Variants in AKR1C3 observed in about 807,000 individuals in gnomAD.
AKR1C3 encodes aldo-keto reductase family 1 member C3.
Under a neutral mutation model 43.6 loss-of-function variants are expected in AKR1C3, and 48 were observed. That is an observed-to-expected ratio of 1.10 (90% CI 0.87 to 1.40). The LOEUF (loss-of-function observed/expected upper bound fraction) is 1.40, where lower values mean the gene tolerates loss of function less well. Ranked by LOEUF, AKR1C3 falls within the 40% of genes most tolerant of loss-of-function variation. The pLI, the probability that AKR1C3 is intolerant of heterozygous loss-of-function variation, is 0.00. For synonymous variants in AKR1C3, 162 were observed against 139.6 expected, an observed-to-expected ratio of 1.16 and a Z score of -1.13; for missense variants, 482 against 391.2, an observed-to-expected ratio of 1.23 and a Z score of -1.96.
chr10:5,085,134 A>G (rs7898273), intron 1 of AKR1C3, among the ~76,000 whole-genome samples: 132,387 of 151,876 alleles, frequency 0.87, 57,955 homozygotes, highest in African/African-American at 0.96. Context: ...TGGTGAGAGA[A>G]GGCATCCCTG....
Position 5,087,380 on chromosome 10 carries a change from CT to C in AKR1C3, c.85-9014del, listed in dbSNP as rs71391988. Among the ~76,000 whole-genome samples, 24 of 74,798 alleles carry C rather than the reference CT, an allele frequency of 3.2e-4. No homozygotes were observed. The East Asian group carries it at 0.013, about 40-fold the overall frequency. 49.1% of individuals were successfully genotyped at this position (74,798 alleles called of 152,430 possible). The stretch of plus-strand genomic sequence containing the variant: ...TTAATGTCACCTTTATCATTTCTTT[CT>C]TTTTTTTTTTTTTTTGAGGCTCGCT... On this transcript the variant is annotated intron_variant, in intron 1 of 8. Coordinates refer to the AKR1C3 transcript ENST00000439082.
intron 1 of AKR1C3, among the ~76,000 whole-genome samples, chr10:5,066,819 A>T (rs1554780843): frequency 6.6e-6 from 1 of 152,206 alleles, no homozygotes; most frequent in East Asian, 1.9e-4. Flanking sequence ...CAACTCTATT[A>T]TAACTTTCAC....
chr10:5,102,830 A>C (rs1839392063), intron 7 of AKR1C3, among the ~76,000 whole-genome samples, 180 bp downstream of exon 7: 1 of 152,228 alleles, frequency 6.6e-6, no homozygotes, highest in Non-Finnish European at 1.5e-5. Context: ...GCACAGGTGC[A>C]GAGAATTAAG....
intron 1 of AKR1C3, among the ~76,000 whole-genome samples, chr10:5,055,981 A>G (rs564483398): frequency 5.3e-5 from 8 of 152,284 alleles, no homozygotes; most frequent in African/African-American, 1.9e-4. Context: ...CCCTCTGGCT[A>G]AGATTAGGCC....
chr10:5,100,130 T>G (rs1554785732), intron 5 of AKR1C3, among the ~76,000 whole-genome samples: 1 of 151,996 alleles, frequency 6.6e-6, no homozygotes, highest in African/African-American at 2.4e-5. Context: ...CCATCTCTAC[T>G]AAAAATACAA....
intron 7 of AKR1C3, among the ~76,000 whole-genome samples, chr10:5,104,386 T>C (rs12219397): frequency 0.42 from 38,345 of 91,166 alleles, 5,538 homozygotes; most frequent in East Asian, 0.67. Flanking sequence ...CATATCTTGA[T>C]TTTTTACTCT....
At chr10:5,086,555 G>T (rs1838969582) in intron 1 of AKR1C3, among the ~76,000 whole-genome samples, 1 of 151,852 alleles carries the variant, frequency 6.6e-6, no homozygotes, top group African/African-American at 2.4e-5. Flanking sequence ...ATGTTCTATT[G>T]ATTTGGGGTG....
upstream of AKR1C3, among the ~76,000 whole-genome samples, chr10:5,089,492 T>C (rs1839040085): frequency 6.6e-6 from 1 of 152,166 alleles, no homozygotes; most frequent in Non-Finnish European, 1.5e-5. Flanking sequence ...GAAAGACTAG[T>C]CTTCAAGATA....
chr10:5,079,149 T>C (rs371002166), intron 1 of AKR1C3, among the ~76,000 whole-genome samples: 2 of 152,142 alleles, frequency 1.3e-5, no homozygotes, highest in African/African-American at 4.8e-5. Context: ...ATGGAGCTAT[T>C]TGTTTTAAAA....
At chr10:5,082,970 C>T (rs1290516066) in intron 1 of AKR1C3, among the ~76,000 whole-genome samples, 2 of 152,116 alleles carry the variant, frequency 1.3e-5, no homozygotes, top group Non-Finnish European at 2.9e-5. Context: ...GATTTAATTA[C>T]AGAGTATTTT....
intron 8 of AKR1C3, 65 bp downstream of exon 8, chr10:5,105,742 GAGAGTGACCTCCATACC>G (rs1839485648): frequency 7.8e-7 from 1 of 1,279,708 alleles, no homozygotes; most frequent in African/African-American, 1.5e-5. Flanking sequence ...GATGGGTGTT[GAGAGTGACCTCCATACC>G]AGAGGGACAG....
At chr10:5,058,203 A>T (rs1424747852) in intron 1 of AKR1C3, among the ~76,000 whole-genome samples, 2 of 152,190 alleles carry the variant, frequency 1.3e-5, no homozygotes, top group Non-Finnish European at 2.9e-5. Context: ...GTAAGCTGAG[A>T]GGTCCTCCTG....
At chr10:5,082,837 A>G (rs1434468557) in intron 1 of AKR1C3, among the ~76,000 whole-genome samples, 4 of 152,082 alleles carry the variant, frequency 2.6e-5, no homozygotes, top group African/African-American at 9.7e-5. Flanking sequence ...ATGTCTCCAC[A>G]TTTTTTTAAA....
intron 1 of AKR1C3, among the ~76,000 whole-genome samples, chr10:5,085,642 A>T (rs1211245095): frequency 6.6e-6 from 1 of 151,852 alleles, no homozygotes; most frequent in African/African-American, 2.4e-5. Flanking sequence ...ATAGTTTCAG[A>T]AGGAACGGTA....
intron 1 of AKR1C3, among the ~76,000 whole-genome samples, chr10:5,061,447 C>T (rs1838381229): frequency 6.6e-6 from 1 of 152,086 alleles, no homozygotes; most frequent in Non-Finnish European, 1.5e-5. Flanking sequence ...TGAGGCATCC[C>T]TATGGGAGGG....
intron 1 of AKR1C3, among the ~76,000 whole-genome samples, chr10:5,063,770 A>AAAAAAAAAAAAAAAAAAAAAAAAAC: frequency 7.0e-6 from 1 of 142,340 alleles, no homozygotes; most frequent in Non-Finnish European, 1.5e-5. Flanking sequence ...CTCAGCAAAA[A>AAAAAAAAAAAAAAAAAAAAAAAAAC]AAAAAAAAAA....
intron 1 of AKR1C3, among the ~76,000 whole-genome samples, chr10:5,087,762 A>C (rs1839003827): frequency 1.3e-5 from 2 of 151,582 alleles, no homozygotes; most frequent in African/African-American, 4.8e-5. Context: ...TTATCCTTTC[A>C]AAGAACCAAA....
intron 3 of AKR1C3, chr10:5,097,773 C>T (rs1588355441): frequency 1.5e-6 from 2 of 1,291,800 alleles, no homozygotes; most frequent in Non-Finnish European, 9.9e-7. Flanking sequence ...CTCAAAGCCT[C>T]TTCCTCAAAA....
chr10:5,057,968 C>G (rs897171863), intron 1 of AKR1C3, among the ~76,000 whole-genome samples: 15 of 152,058 alleles, frequency 9.9e-5, no homozygotes, highest in Non-Finnish European at 2.2e-4. Context: ...TGAAAACTTC[C>G]CCAGGTCTGC....
Sources: gnomAD v4.1 joint callset for allele counts (sites outside exome capture counted in the v4.1 genomes callset) on GRCh38, gnomAD v4.1.1 for gene constraint, MANE v1.5 for transcripts, NCBI Gene and HGNC (gene_info 2026-07-23, HGNC 2026-07-21) for gene names.